The following GRIP1 variants were observed in gnomAD, a reference collection of about 807,000 sequenced individuals.
GRIP1 encodes the protein glutamate receptor-interacting protein 1.
Under a neutral mutation model 129.9 loss-of-function variants are expected in GRIP1, and 45 were observed. The observed-to-expected ratio is 0.35, with a 90% CI of 0.27 to 0.44. The LOEUF is 0.44. GRIP1 is among the 20% of genes least tolerant of loss of function. The probability of loss-of-function intolerance (pLI) is 1.00; values close to 1 mark genes in which losing one functional copy is unlikely to be tolerated. For synonymous variants in GRIP1, 530 were observed against 520.8 expected, an observed-to-expected ratio of 1.02 and a Z score of -0.24; for missense variants, 1,196 against 1,396.8, an observed-to-expected ratio of 0.86 and a Z score of 2.29.
At chr12:66,803,514 C>T (rs2038915178) in intron 1 of GRIP1, among the ~76,000 whole-genome samples, 1 of 152,168 alleles carries the variant, frequency 6.6e-6, no homozygotes, top group Admixed American at 6.5e-5. Flanking sequence ...TTCTAGCTGA[C>T]AGCAAATAAG....
At chr12:66,825,691 C>T (rs957778161) in intron 1 of GRIP1, among the ~76,000 whole-genome samples, 3 of 152,156 alleles carry the variant, frequency 2.0e-5, no homozygotes, top group African/African-American at 7.2e-5. Flanking sequence ...TCAGCTTTTC[C>T]TCTGCTGCTG....
At chr12:66,584,986 C>T (rs1173164234) in intron 2 of GRIP1, among the ~76,000 whole-genome samples, 1 of 152,098 alleles carries the variant, frequency 6.6e-6, no homozygotes, top group Non-Finnish European at 1.5e-5. Flanking sequence ...ACACTGCCTT[C>T]CCTCCCGCTG....
chr12:66,803,874 A>G (rs1592861159), intron 1 of GRIP1: 1 of 308,620 alleles, frequency 3.2e-6, no homozygotes, highest in East Asian at 7.7e-5. Context: ...TCTAGATGCT[A>G]TTATCTAATG....
intron 1 of GRIP1, among the ~76,000 whole-genome samples, chr12:67,043,959 C>T (rs771447305): frequency 1.3e-4 from 20 of 152,018 alleles, no homozygotes; most frequent in Non-Finnish European, 2.8e-4. Flanking sequence ...AAAGGCATTT[C>T]TCAGCTGCTG....
chr12:66,564,446 A>G (rs1029553503), intron 2 of GRIP1, among the ~76,000 whole-genome samples: 276 of 152,036 alleles, frequency 1.8e-3, no homozygotes, highest in African/African-American at 6.4e-3. Context: ...TCCCTACAAA[A>G]GACATTAACT....
intron 7 of GRIP1, among the ~76,000 whole-genome samples, chr12:66,510,446 T>C (rs756583225): frequency 6.6e-6 from 1 of 152,152 alleles, no homozygotes; most frequent in Non-Finnish European, 1.5e-5. Flanking sequence ...TATCTTCTGC[T>C]CTGACCTGTG....
intron 1 of GRIP1, among the ~76,000 whole-genome samples, chr12:66,606,702 G>A (rs895908361): frequency 5.3e-5 from 8 of 152,158 alleles, no homozygotes; most frequent in Non-Finnish European, 1.0e-4. Context: ...TAGGTTGCAT[G>A]GCAAATCTGA....
At chr12:66,506,780 C>G (rs975013696) in intron 7 of GRIP1, among the ~76,000 whole-genome samples, 1 of 152,098 alleles carries the variant, frequency 6.6e-6, no homozygotes, top group Non-Finnish European at 1.5e-5. Flanking sequence ...TTCTCACCCG[C>G]TAGTTTTATC....
At chr12:66,736,084 T>C (rs1269827940) in intron 1 of GRIP1, among the ~76,000 whole-genome samples, 1 of 152,152 alleles carries the variant, frequency 6.6e-6, no homozygotes, top group Non-Finnish European at 1.5e-5. Context: ...GTCAAAAATC[T>C]GTGTATAGCT....
chr12:66,840,964 T>C (rs2039704847), intron 1 of GRIP1, among the ~76,000 whole-genome samples: 1 of 152,204 alleles, frequency 6.6e-6, no homozygotes, highest in South Asian at 2.1e-4. Flanking sequence ...TAAAAGACAC[T>C]CATTTAAATG....
intron 13 of GRIP1, among the ~76,000 whole-genome samples, chr12:66,433,654 A>T (rs766864650): frequency 1.3e-5 from 2 of 152,192 alleles, no homozygotes; most frequent in African/African-American, 2.4e-5. Flanking sequence ...AGTCAGAAAG[A>T]CCTTTAATTA....
chr12:66,401,144 A>C (rs1482953456), intron 16 of GRIP1, among the ~76,000 whole-genome samples: 1 of 152,174 alleles, frequency 6.6e-6, no homozygotes. Flanking sequence ...CTACAACCCC[A>C]AGTGTTCCAA....
At chr12:66,736,065 C>T (rs868482663) in intron 1 of GRIP1, among the ~76,000 whole-genome samples, 3 of 152,220 alleles carry the variant, frequency 2.0e-5, no homozygotes, top group African/African-American at 7.2e-5. Flanking sequence ...GAGGGCTGAC[C>T]CCTGCACAGT....
intron 19 of GRIP1, among the ~76,000 whole-genome samples, chr12:66,389,192 G>A (rs2056479975): frequency 6.6e-6 from 1 of 152,094 alleles, no homozygotes; most frequent in East Asian, 1.9e-4. Context: ...TATTGAATAG[G>A]AAAAATAAAA....
At chr12:66,641,761 C>T (rs1372438228) in intron 1 of GRIP1, among the ~76,000 whole-genome samples, 3 of 151,892 alleles carry the variant, frequency 2.0e-5, no homozygotes, top group South Asian at 2.1e-4. Context: ...TGTGGGTCAC[C>T]TCTCTCTCTC....
At chr12:66,587,534 T>C (rs1466128697) in intron 2 of GRIP1, among the ~76,000 whole-genome samples, 1 of 152,248 alleles carries the variant, frequency 6.6e-6, no homozygotes, top group Non-Finnish European at 1.5e-5. Flanking sequence ...CAGAGGCTAA[T>C]AGGCTGGATT....
intron 4 of GRIP1, among the ~76,000 whole-genome samples, chr12:66,538,200 CTT>C (rs60932537): frequency 5.5e-4 from 74 of 134,318 alleles, no homozygotes; most frequent in Middle Eastern, 3.7e-3. Flanking sequence ...TCTTGCTGTA[CTT>C]TTTTTTTTTT....
intron 16 of GRIP1, among the ~76,000 whole-genome samples, chr12:66,398,327 G>C (rs1414603951): frequency 1.3e-5 from 2 of 151,862 alleles, no homozygotes; most frequent in Non-Finnish European, 2.9e-5. Flanking sequence ...CCCTGTGCAA[G>C]AGCTGAGCTG....
chr12:66,372,264 G>A, intron 22 of GRIP1: 1 of 380,618 alleles, frequency 2.6e-6, no homozygotes, highest in South Asian at 2.4e-5. Flanking sequence ...CCACTCAGTG[G>A]GCTCTAACAG....
Sources: gnomAD v4.1 joint callset for allele counts (sites outside exome capture counted in the v4.1 genomes callset) on GRCh38, gnomAD v4.1.1 for gene constraint, MANE v1.5 for transcripts, NCBI Gene and HGNC (gene_info 2026-07-23, HGNC 2026-07-21) for gene names.